The following TESK2 variants were observed in gnomAD, a reference collection of about 807,000 sequenced individuals.
TESK2 encodes the protein testis associated actin remodelling kinase 2.
A neutral mutation model predicts 57.1 loss-of-function variants in TESK2; 39 were observed. That is an observed-to-expected ratio of 0.68 (90% CI 0.53 to 0.89). The LOEUF is 0.89. TESK2 is among the 40% of genes least tolerant of loss of function. The pLI is 0.00. For missense variants in TESK2, 646 were observed against 732.1 expected, an observed-to-expected ratio of 0.88 and a Z score of 1.36; for synonymous variants, 249 against 267.9, an observed-to-expected ratio of 0.93 and a Z score of 0.69.
rs534408472 is a variant in TESK2 at position 45,347,837 on chromosome 1, G to A, written c.623+81C>T. ...GAGGTTGAGCTGTGACCAAGTCCTG[G>A]CCTCTGGGGAGGAGGCTAGAATTTT... On this transcript the variant is annotated intron_variant, in intron 6 of 10. Transcript: ENST00000372086. 395 of 1,439,966 alleles carry A rather than the reference G, an allele frequency of 2.7e-4. 3 individuals are homozygous for A. The South Asian group carries it at 4.3e-3, about 16-fold the overall frequency. The allele number at this position is 1,439,966 out of a possible 1,614,324, so 89.2% of individuals were successfully genotyped here.
chr1:45,484,458 G>A (rs375145156), intron 1 of TESK2, among the ~76,000 whole-genome samples: 2 of 151,924 alleles, frequency 1.3e-5, no homozygotes, highest in African/African-American at 4.8e-5. Flanking sequence ...AAAAGAGGCC[G>A]AACGCGGTGG....
chr1:45,368,393 C>T (rs1299841446), intron 4 of TESK2, among the ~76,000 whole-genome samples: 1 of 150,848 alleles, frequency 6.6e-6, no homozygotes, highest in African/African-American at 2.4e-5. Flanking sequence ...TTTTGTTTTT[C>T]AGACGGAGTC....
At chr1:45,490,496 G>A (rs1258535034) in intron 1 of TESK2, among the ~76,000 whole-genome samples, 1 of 152,170 alleles carries the variant, frequency 6.6e-6, no homozygotes, top group African/African-American at 2.4e-5. Context: ...TCTGAGGCAG[G>A]AGCGGGTATG....
chr1:45,360,548 G>A (rs538073486), intron 4 of TESK2, among the ~76,000 whole-genome samples: 1 of 152,182 alleles, frequency 6.6e-6, no homozygotes, highest in South Asian at 2.1e-4. Flanking sequence ...AAAGCCAGAG[G>A]GTGGAGAGCA....
chr1:45,425,558 G>A (rs1020864893), intron 2 of TESK2, among the ~76,000 whole-genome samples: 1 of 152,100 alleles, frequency 6.6e-6, no homozygotes, highest in African/African-American at 2.4e-5. Flanking sequence ...GGGAAGCTGA[G>A]GTGGGAGGAT....
chr1:45,385,804 C>G, intron 4 of TESK2, 108 bp downstream of exon 4: 1 of 648,200 alleles, frequency 1.5e-6, no homozygotes, highest in East Asian at 3.4e-5. Context: ...TTTGCATAAA[C>G]ATAAATGCAC....
rs185398203 is a variant in TESK2, at chr1:45,354,481, C to A, written c.540+822G>T. Among the ~76,000 whole-genome samples the A allele has an allele frequency of 3.3e-3, 495 of 151,898 alleles. 1 individual carries two copies. Among genetic ancestry groups the A allele is most frequent in the Non-Finnish European group, 5.3e-3 (359 of 67,958 alleles). ...CTCTACTAAAAATACAAAAAATTAGCGAGGGGTGATGGCAGGCGTCTGTAA... is the reference window on the plus strand; with the variant it reads ...CTCTACTAAAAATACAAAAAATTAGAGAGGGGTGATGGCAGGCGTCTGTAA... On this transcript the variant is annotated intron_variant, in intron 5 of 10. Coordinates refer to ENST00000372086, the MANE Select transcript of TESK2 (RefSeq NM_007170.3).
At chr1:45,424,763 T>TA (rs1295077086) in intron 2 of TESK2, among the ~76,000 whole-genome samples, 13 of 152,190 alleles carry the variant, frequency 8.5e-5, no homozygotes, top group African/African-American at 3.1e-4. Context: ...TAGTTCAACA[T>TA]ACGTAAATCA....
At chr1:45,474,900 G>A (rs1390024663) in intron 1 of TESK2, among the ~76,000 whole-genome samples, 8 of 151,406 alleles carry the variant, frequency 5.3e-5, no homozygotes, top group African/African-American at 1.2e-4. Context: ...TGCAAATAAT[G>A]TGAGATGGTA....
chr1:45,350,765 C>T (rs535182606), intron 5 of TESK2, among the ~76,000 whole-genome samples: 4 of 152,140 alleles, frequency 2.6e-5, no homozygotes, highest in Non-Finnish European at 5.9e-5. Context: ...TAGAGTAGAG[C>T]CCATGGAAGG....
rs765042054 is a variant in TESK2, at chr1:45,345,286, T to C, written c.1270A>G (p.Ile424Val). ...GCATCCAGGTCAAATACCAGAGAGATGACAGACTTGCTGGGCAGGTCAAAA... is the reference window on the plus strand; with the variant it reads ...GCATCCAGGTCAAATACCAGAGAGACGACAGACTTGCTGGGCAGGTCAAAA... ...KFFDLPSKSVISLVFDLDAPG... is the reference protein window; with the variant it reads ...KFFDLPSKSVVSLVFDLDAPG... The change falls in exon 11 of 11, where the codon ATC becomes GTC. Residue 424 changes from isoleucine to valine, a missense_variant. Ile to Val is a conservative substitution (Grantham distance 29). Coordinates refer to ENST00000372086, the MANE Select transcript of TESK2 (RefSeq NM_007170.3). 1 of 1,614,134 alleles carries C rather than the reference T, an allele frequency of 6.2e-7. No homozygotes were observed. Among genetic ancestry groups the C allele is most frequent in the South Asian group, 1.1e-5 (1 of 91,084 alleles).
Position 45,421,495 on chromosome 1 carries a change from G to A in TESK2, c.344+230C>T, listed in dbSNP as rs1650474772. 2.0e-5 allele frequency among the ~76,000 whole-genome samples: 3 copies of A among 152,128 alleles called. 1 individual carries two copies. The South Asian group carries it at 6.2e-4, about 32-fold the overall frequency. ...AATGAGCTGCTACTAATGTTCTAAT[G>A]AGAGTAAAGCAACTTAAGAGATAAA... On this transcript the variant is annotated intron_variant, in intron 3 of 10. Coordinates refer to ENST00000372086, the MANE Select transcript of TESK2 (RefSeq NM_007170.3).
chr1:45,411,312 A>T (rs1043809253), intron 3 of TESK2, among the ~76,000 whole-genome samples: 1 of 151,946 alleles, frequency 6.6e-6, no homozygotes, highest in Admixed American at 6.6e-5. Context: ...GTGGAAGACA[A>T]TTTTTCCACA....
chr1:45,456,070 G>A (rs1652075385), intron 2 of TESK2, among the ~76,000 whole-genome samples: 2 of 152,066 alleles, frequency 1.3e-5, no homozygotes, highest in Admixed American at 1.3e-4. Context: ...TCATGCACCT[G>A]TAGTCCCAGT....
At chr1:45,416,072 CTTTTTTTTT>C (rs34785518) in intron 3 of TESK2, among the ~76,000 whole-genome samples, 2 of 59,282 alleles carry the variant, frequency 3.4e-5, no homozygotes, top group Admixed American at 3.1e-4. Flanking sequence ...AATCTAGAGC[CTTTTTTTTT>C]TTTTTTTTTT....
chr1:45,374,361 A>G (rs1413329389), intron 4 of TESK2, among the ~76,000 whole-genome samples: 1 of 152,234 alleles, frequency 6.6e-6, no homozygotes, highest in Non-Finnish European at 1.5e-5. Context: ...ACAGGATTAT[A>G]GTCAGCCAAA....
chr1:45,384,902 G>A (rs1464523172), intron 4 of TESK2, among the ~76,000 whole-genome samples: 1 of 151,998 alleles, frequency 6.6e-6, no homozygotes, highest in Non-Finnish European at 1.5e-5. Context: ...CCATTTAAGA[G>A]GCAGGGCATA....
chr1:45,436,419 A>G (rs1651227081), intron 2 of TESK2, among the ~76,000 whole-genome samples: 1 of 147,932 alleles, frequency 6.8e-6, no homozygotes, highest in South Asian at 2.1e-4. Context: ...TCCTGACCTC[A>G]GAAGATCCGC....
intron 3 of TESK2, among the ~76,000 whole-genome samples, chr1:45,404,703 C>G (rs1393983528): frequency 6.6e-6 from 1 of 151,992 alleles, no homozygotes; most frequent in African/African-American, 2.4e-5. Context: ...GCCACCACGC[C>G]GGGCTATTTT....
Sources: allele counts gnomAD v4.1 joint callset (sites outside exome capture counted in the v4.1 genomes callset), GRCh38; gene constraint gnomAD v4.1.1; transcripts MANE v1.5; gene names NCBI Gene and HGNC (gene_info 2026-07-23, HGNC 2026-07-21).